PAX6: variants seen among roughly 807,000 people sequenced by gnomAD.
The protein encoded by PAX6 is paired box 6.
Under a neutral mutation model 60.7 loss-of-function variants are expected in PAX6, and 7 were observed. That is an observed-to-expected ratio of 0.12 (90% confidence interval 0.07 to 0.22). The LOEUF (loss-of-function observed/expected upper bound fraction) is 0.22, where lower values mean the gene tolerates loss of function less well. Among genes scored for constraint, PAX6 ranks in the 10% least tolerant of loss-of-function variants. The pLI is 1.00. For missense variants in PAX6, 355 were observed against 555.2 expected, an observed-to-expected ratio of 0.64 and a Z score of 3.62; for synonymous variants, 208 against 201.2, an observed-to-expected ratio of 1.03 and a Z score of -0.29.
intron 12 of PAX6, chr11:31,792,731 T>C (rs1950308011): frequency 5.9e-6 from 1 of 170,754 alleles, no homozygotes. Context: ...TAGGGGCTAA[T>C]AGATATTTGG....
rs547667102 is a variant in PAX6, at chr11:31,810,922, A to G, written c.-223T>C. On this transcript the variant is annotated 5_prime_UTR_variant, in exon 2 of 14. Coordinates refer to ENST00000640368, the MANE Select transcript of PAX6 (RefSeq NM_001368894.2). ...CTGCTGTTGTTGCTTGAAGACCACA[A>G]TGGTTTGAAATGACGGTGTTTTAAA... The G allele has an allele frequency of 2.0e-5, 8 of 399,130 alleles. No homozygotes were observed. In the East Asian group the frequency reaches 2.1e-4, roughly 11 times the overall value. 24.7% of individuals were successfully genotyped at this position (399,130 alleles called of 1,614,324 possible).
In PAX6 at chr11:31,799,310, G is replaced by T. The variant is rs570470957; in HGVS notation, c.565+1381C>A. On this transcript the variant is annotated intron_variant, in intron 8 of 13. Coordinates refer to ENST00000640368, the MANE Select transcript of PAX6 (RefSeq NM_001368894.2). ...CGTGCGGGCGGGGTCGCCCAGGGGA[G>T]CCCGGGCCCCGCGCGTCAGGAGGCC... 8.5e-5 allele frequency among the ~76,000 whole-genome samples: 13 copies of T among 152,168 alleles called. No individual in the cohort carries two copies. In the South Asian group the frequency reaches 2.5e-3, roughly 29 times the overall value.
rs1208492209 is a variant in PAX6, at chr11:31,789,603, C to A, written c.*331G>T. 1 of 632,178 alleles carries A rather than the reference C, an allele frequency of 1.6e-6. No individual in the cohort carries two copies. The highest frequency in any genetic ancestry group is 2.8e-6 in the Non-Finnish European group (1 of 357,188). The allele number at this position is 632,178 out of a possible 1,614,324, so 39.2% of individuals were successfully genotyped here. On this transcript the variant is annotated 3_prime_UTR_variant, in exon 14 of 14. Transcript: ENST00000640368. ...AAAAAAAAAAAAAACAACTTCATGA[C>A]CAACACAGATCAAACATCCATCCAG...
intron 1 of PAX6, among the ~76,000 whole-genome samples, chr11:31,816,927 G>T (rs1381597745): frequency 1.3e-5 from 2 of 152,254 alleles, no homozygotes; most frequent in East Asian, 3.9e-4. Context: ...TTAGGGCCGG[G>T]CTCCCAGGAC....
rs375526613 is a variant in PAX6, at chr11:31,801,881, T to C, written c.173A>G (p.Asp58Gly). The C allele has an allele frequency of 4.0e-5, 65 of 1,614,042 alleles. No individual in the cohort carries two copies. The highest frequency in any genetic ancestry group is 5.4e-5 in the Non-Finnish European group (64 of 1,179,986). The change falls in exon 6 of 14, where the codon GAC (aspartate) becomes GGC (glycine). Residue 58 changes from aspartate to glycine, a missense_variant. Transcript: ENST00000640368. Reference protein sequence around the residue: ...THADAKVQVLDNQNVSNGCVS... With the variant: ...THADAKVQVLGNQNVSNGCVS... ...CAATGACAAGCTTACGTTTTGATTG[T>C]CCAGCACTTGGACTTTTGCATCTGC...
In PAX6 at chr11:31,800,793, C is replaced by T. The variant is rs777250095; in HGVS notation, c.463G>A (p.Gly155Ser). The T allele has an allele frequency of 3.6e-5, 58 of 1,614,058 alleles. No homozygotes were observed. Among genetic ancestry groups the T allele is most frequent in the Admixed American group, 6.7e-5 (4 of 60,000 alleles). ...AACATCCTTAGTTTATCATACATGC[C>T]GTCTGCGCCCATCTGTTGCTTTTCG... ...ASEKQQMGAD[G>S]MYDKLRMLNG... The change falls in exon 8 of 14, where the codon GGC (glycine) becomes AGC (serine). Residue 155 changes from glycine to serine, a missense_variant. By Grantham distance (56) the Gly-to-Ser change is moderately conservative. Around this residue, in one of 5 missense-constraint regions of PAX6, gnomAD observed 143 missense variants for 183.6 expected, o/e 0.78. Transcript: ENST00000640368.
chr11:31,815,250 G>A (rs540577487), upstream of PAX6, among the ~76,000 whole-genome samples: 2 of 152,218 alleles, frequency 1.3e-5, no homozygotes, highest in African/African-American at 4.8e-5. Context: ...TTTGCAAATA[G>A]GGTTCCTAGA....
rs1949405718 is a variant in PAX6, at chr11:31,790,150, T to C, written c.1226-131A>G. ...TACTTTCTAACATTTTTTACTGTAT[T>C]AAAATCACTTCAATTGTTACAAATA... On this transcript the variant is annotated intron_variant, in intron 13 of 13. Transcript: ENST00000640368. 4.3e-6 allele frequency: 3 copies of C among 692,130 alleles called. No individual in the cohort carries two copies. The Admixed American group carries it at 8.7e-5, about 20-fold the overall frequency. 42.9% of individuals were successfully genotyped at this position (692,130 alleles called of 1,614,324 possible). A position where few individuals can be genotyped will look rare whatever the true frequency, so the allele number is the denominator to read the frequency against.
chr11:31,801,798 A>G (rs759026038), intron 6 of PAX6, 22 bp from the exon 7 acceptor site: 1 of 1,614,182 alleles, frequency 6.2e-7, no homozygotes. Context: ...AAGTGGACAG[A>G]AAACCACATT....
chr11:31,793,449 G>A lies in PAX6; in HGVS notation c.1063C>T (p.Leu355=). 1 of 1,614,154 alleles carries A rather than the reference G, an allele frequency of 6.2e-7. No individual in the cohort carries two copies. The highest frequency in any genetic ancestry group is 8.5e-7 in the Non-Finnish European group (1 of 1,179,970). Residue 355 remains leucine (L), a synonymous_variant, in exon 12 of 14, where the codon CTG becomes TTG. Transcript: ENST00000640368. ...CCAGCCGCACTTACTTGCATAGGCAGGTTATTTGCCATGGTGAAGCTGGGC... is the reference window on the plus strand; with the variant it reads ...CCAGCCGCACTTACTTGCATAGGCAAGTTATTTGCCATGGTGAAGCTGGGC... ...PMPSFTMANN[L]PMQPPVPSQT...
At chr11:31,792,915 C>T (rs983073563) in intron 12 of PAX6, 3 of 254,214 alleles carry the variant, frequency 1.2e-5, no homozygotes, top group African/African-American at 2.2e-5. Context: ...AACTAGCATT[C>T]TCATTATATT....
intron 8 of PAX6, among the ~76,000 whole-genome samples, chr11:31,796,923 G>C (rs141154847): frequency 6.6e-6 from 1 of 152,122 alleles, no homozygotes; most frequent in African/African-American, 2.4e-5. Context: ...CCGCTCACGT[G>C]TGCGGGCACA....
chr11:31,807,705 A>G (rs1034732659), intron 2 of PAX6: 3 of 152,214 alleles, frequency 2.0e-5, no homozygotes, highest in Admixed American at 6.5e-5. Flanking sequence ...ACGGCAAACA[A>G]TGGCTTCTAT....
chr11:31,794,326 G>A (rs1950774697), intron 9 of PAX6: 5 of 629,218 alleles, frequency 7.9e-6, no homozygotes, highest in Non-Finnish European at 1.4e-5. Flanking sequence ...CCTTTCTGTG[G>A]CCTGAAATAG....
chr11:31,812,300 CTCTGTGTGTGTGTGTG>C (rs1176628801), upstream of PAX6: 4 of 110,174 alleles, frequency 3.6e-5, no homozygotes, highest in South Asian at 1.0e-3. Flanking sequence ...CTCTCTCTCT[CTCTGTGTGTGTGTGTG>C]TGTGTGTGTG....
Position 31,790,857 on chromosome 11 carries a change from G to C in PAX6, c.1078C>G (p.Pro360Ala), listed in dbSNP as rs780973082. The C allele has an allele frequency of 1.6e-5, 26 of 1,613,888 alleles. 1 individual carries two copies. The highest frequency in any genetic ancestry group is 2.2e-5 in the South Asian group (2 of 91,054). Residue 360 changes from proline (P) to alanine (A), a missense_variant, in exon 13 of 14, where the codon CCA becomes GCA. Pro to Ala is a conservative substitution (Grantham distance 27). Coordinates refer to ENST00000640368, the MANE Select transcript of PAX6 (RefSeq NM_001368894.2). ...TMANNLPMQP[P>A]VPSQTSSYSC... ...TATGAGGAGGTCTGGCTGGGGACTG[G>C]GGGCTGTGAGGAGAGAGGCAAACCT...
intron 2 of PAX6, 43 bp downstream of exon 2, chr11:31,810,785 A>G: frequency 5.0e-6 from 2 of 398,980 alleles, no homozygotes; most frequent in South Asian, 2.6e-4. Context: ...ACCTGTCTGA[A>G]TATTGCAATA....
intron 2 of PAX6, chr11:31,807,274 G>A (rs918416736): frequency 6.6e-6 from 1 of 152,602 alleles, no homozygotes; most frequent in Non-Finnish European, 1.5e-5. Context: ...GAAGGGGTGT[G>A]AGGGGAGAGG....
intron 8 of PAX6, among the ~76,000 whole-genome samples, chr11:31,797,805 GA>G (rs1565219496): frequency 6.6e-6 from 1 of 152,168 alleles, no homozygotes; most frequent in East Asian, 1.9e-4. Context: ...CTAAGTGGTG[GA>G]CAATTAAGAT....
Sources: gnomAD v4.1 joint callset for allele counts (sites outside exome capture counted in the v4.1 genomes callset) on GRCh38, gnomAD v4.1.1 for gene constraint, gnomAD v4.1.1 regional missense constraint, MANE v1.5 for transcripts, NCBI Gene and HGNC (gene_info 2026-07-23, HGNC 2026-07-21) for gene names.